ZCWPW1: variants seen among roughly 807,000 people sequenced by gnomAD.
ZCWPW1 encodes zinc finger CW-type and PWWP domain containing 1.
Under a neutral mutation model 81.3 loss-of-function variants are expected in ZCWPW1, and 56 were observed. That is an observed-to-expected ratio of 0.69 (90% CI 0.56 to 0.86). The LOEUF (loss-of-function observed/expected upper bound fraction) is 0.86, where lower values mean the gene tolerates loss of function less well. Ranked by LOEUF, ZCWPW1 falls within the 40% of genes least tolerant of loss-of-function variation. The probability of loss-of-function intolerance (pLI) is 0.00; values close to 1 mark genes in which losing one functional copy is unlikely to be tolerated. For missense variants in ZCWPW1, 650 were observed against 769.8 expected, an observed-to-expected ratio of 0.84 and a Z score of 1.84; for synonymous variants, 250 against 273.7, an observed-to-expected ratio of 0.91 and a Z score of 0.86.
At chr7:100,414,627 G>A (rs1794843382) in intron 8 of ZCWPW1, among the ~76,000 whole-genome samples, 1 of 151,930 alleles carries the variant, frequency 6.6e-6, no homozygotes, top group Non-Finnish European at 1.5e-5. Flanking sequence ...TGTTGCCCAA[G>A]CTGGTCTCAA....
intron 2 of ZCWPW1, 102 bp downstream of exon 2, chr7:100,424,923 TGTTGA>T (rs944780531): frequency 1.1e-4 from 16 of 152,310 alleles, no homozygotes; most frequent in Admixed American, 8.5e-4. Context: ...GGTTCACTGT[TGTTGA>T]GTTAATAAGA....
intron 11 of ZCWPW1, 60 bp downstream of exon 11, chr7:100,407,168 G>A: frequency 1.3e-6 from 2 of 1,484,280 alleles, no homozygotes; most frequent in Non-Finnish European, 1.9e-6. Flanking sequence ...ACGTCTGTGA[G>A]GATGGATTTG....
At chr7:100,416,270 G>A (rs1795195313) in intron 7 of ZCWPW1, 35 bp downstream of exon 7, 2 of 1,607,156 alleles carry the variant, frequency 1.2e-6, no homozygotes. Flanking sequence ...GCTAGTACTT[G>A]AGCCAGGCTT....
chr7:100,411,969 C>T (rs1794258696), intron 8 of ZCWPW1, among the ~76,000 whole-genome samples: 1 of 152,164 alleles, frequency 6.6e-6, no homozygotes, highest in East Asian at 1.9e-4. Flanking sequence ...GTCACAGACA[C>T]ATGTTAAGAG....
chr7:100,403,634 G>C (rs1584241344), intron 15 of ZCWPW1, 60 bp downstream of exon 15: 3 of 1,485,892 alleles, frequency 2.0e-6, no homozygotes, highest in East Asian at 5.0e-5. Context: ...GACCAGCCTG[G>C]GCAACCTGGT....
At chr7:100,419,325 GC>G in intron 4 of ZCWPW1, 136 bp from the exon 5 acceptor site, 1 of 782,036 alleles carries the variant, frequency 1.3e-6, no homozygotes, top group Non-Finnish European at 2.0e-6. Flanking sequence ...ACCTAAGGAG[GC>G]CATGAACTAT....
chr7:100,420,497 A>G (rs1158542335), intron 3 of ZCWPW1, 125 bp downstream of exon 3: 9 of 1,032,112 alleles, frequency 8.7e-6, no homozygotes. Flanking sequence ...CATCTAGCAG[A>G]GCAGTAATTT....
chr7:100,408,099 C>T (rs765212940), intron 10 of ZCWPW1, among the ~76,000 whole-genome samples: 14 of 152,108 alleles, frequency 9.2e-5, no homozygotes, highest in South Asian at 2.1e-4. Flanking sequence ...TACAGGCACG[C>T]GCCACCACGT....
Position 100,419,676 on chromosome 7 carries a change from T to A in ZCWPW1, c.236A>T (p.Lys79Ile), listed in dbSNP as rs1385702884. Reference sequence around the variant, plus strand: ...CTTGTTGATTTGTGCCTTTCTTTTTTTCTCCTGTTCCCTGCTTGGAACATT... The same window carrying A: ...CTTGTTGATTTGTGCCTTTCTTTTTATCTCCTGTTCCCTGCTTGGAACATT... ...MKNVPSREQE[K>I]KRKAQINKQA... Residue 79 changes from lysine to isoleucine, a missense_variant, in exon 4 of 18, where the codon AAA (lysine) becomes ATA (isoleucine). Coordinates refer to ENST00000684423, the MANE Select transcript of ZCWPW1 (RefSeq NM_001386010.1). 2 of 1,612,696 alleles carry A rather than the reference T, an allele frequency of 1.2e-6. No homozygotes were observed. Among genetic ancestry groups the A allele is most frequent in the Admixed American group, 3.4e-5 (2 of 59,578 alleles).
At chr7:100,402,229 C>T (rs1021119609) in intron 16 of ZCWPW1, 188 bp from the exon 17 acceptor site, 109 of 801,120 alleles carry the variant, frequency 1.4e-4, no homozygotes, top group South Asian at 1.0e-3. Context: ...TCTTTTATCC[C>T]CTGGATCTTC....
chr7:100,424,323 AAG>A (rs1429377244), intron 2 of ZCWPW1, among the ~76,000 whole-genome samples: 1 of 152,152 alleles, frequency 6.6e-6, no homozygotes, highest in Non-Finnish European at 1.5e-5. Context: ...TTTTCTCTGG[AAG>A]AGAAAAAAAA....
intron 2 of ZCWPW1, among the ~76,000 whole-genome samples, chr7:100,421,900 C>G (rs1796422304): frequency 6.6e-6 from 1 of 152,154 alleles, no homozygotes; most frequent in Non-Finnish European, 1.5e-5. Flanking sequence ...CCATATTGGT[C>G]AGGCTGGTCT....
chr7:100,417,549 C>A (rs1795524008), intron 5 of ZCWPW1: 1 of 165,354 alleles, frequency 6.0e-6, no homozygotes, highest in African/African-American at 2.4e-5. Context: ...GAAACCCTGT[C>A]TCTACTAAAA....
intron 3 of ZCWPW1, 136 bp downstream of exon 3, chr7:100,420,486 G>T: frequency 2.1e-6 from 2 of 936,740 alleles, no homozygotes; most frequent in Non-Finnish European, 3.3e-6. Flanking sequence ...TTCACTCAAA[G>T]CATCTAGCAG....
intron 10 of ZCWPW1, among the ~76,000 whole-genome samples, chr7:100,407,650 C>T (rs10232286): frequency 6.2e-4 from 95 of 152,270 alleles, no homozygotes; most frequent in African/African-American, 2.2e-3. Flanking sequence ...ACCTCAACCT[C>T]CCAAAGTGCT....
chr7:100,416,820 C>T (rs1404261004), intron 6 of ZCWPW1, among the ~76,000 whole-genome samples: 1 of 152,066 alleles, frequency 6.6e-6, no homozygotes. Flanking sequence ...GTGGCAGGCG[C>T]CTGTAATCCC....
chr7:100,412,000 T>C (rs1375008731), intron 8 of ZCWPW1, among the ~76,000 whole-genome samples: 1 of 152,220 alleles, frequency 6.6e-6, no homozygotes, highest in Non-Finnish European at 1.5e-5. Flanking sequence ...GACCACTCAT[T>C]CTTGAAACAC....
At chr7:100,408,879 G>GCTGAAAT in intron 9 of ZCWPW1, among the ~76,000 whole-genome samples, 1 of 149,258 alleles carries the variant, frequency 6.7e-6, no homozygotes. Context: ...TGCAGCTGGA[G>GCTGAAAT]GCAGTAGGAA....
At chr7:100,407,327 G>C (rs900577727) in intron 10 of ZCWPW1, 24 bp from the exon 11 acceptor site, 5 of 1,603,770 alleles carry the variant, frequency 3.1e-6, no homozygotes, top group Non-Finnish European at 8.5e-7. Flanking sequence ...TTGGGTGTAG[G>C]GGACAGAAGA....
Sources: gnomAD v4.1 joint callset for allele counts (sites outside exome capture counted in the v4.1 genomes callset) on GRCh38, gnomAD v4.1.1 for gene constraint, MANE v1.5 for transcripts, NCBI Gene and HGNC (gene_info 2026-07-23, HGNC 2026-07-21) for gene names.